Variants in ZNF658 observed in about 807,000 individuals in gnomAD.
ZNF658 encodes the protein zinc finger protein 658.
In ZNF658, 46 loss-of-function variants were observed where a neutral mutation model predicts 78.0. The observed-to-expected ratio is 0.59, with a 90% CI of 0.47 to 0.75. The LOEUF is 0.75. Among genes scored for constraint, ZNF658 ranks in the 30% least tolerant of loss-of-function variants. The pLI is 0.00. For synonymous variants in ZNF658, 279 were observed against 408.4 expected (o/e 0.68, Z 3.82); for missense variants, 785 against 1,189.3 (o/e 0.66, Z 5.00).
chr9:66,922,411 C>T (rs1413228609), downstream of ZNF658, among the ~76,000 whole-genome samples: 3 of 149,826 alleles, frequency 2.0e-5, no homozygotes, highest in African/African-American at 2.5e-5. Context: ...GCAGAAATCA[C>T]TCATCTTCTG....
At chr9:66,928,772 A>G (rs1999466) in intron 6 of ZNF658, among the ~76,000 whole-genome samples, 16,767 of 147,978 alleles carry the variant, frequency 0.11, 952 homozygotes, top group South Asian at 0.23. Context: ...TTTGAGCAAC[A>G]AAACATGTAA....
chr9:66,905,043 CTT>C (rs1822041670), intron 2 of ZNF658, among the ~76,000 whole-genome samples: 1 of 66,262 alleles, frequency 1.5e-5, no homozygotes, highest in Non-Finnish European at 3.2e-5. Context: ...TTTATCTTTT[CTT>C]TTTTCTTTTC....
intron 2 of ZNF658, among the ~76,000 whole-genome samples, 181 bp from the exon 3 acceptor site, chr9:66,908,057 G>C (rs1822120515): frequency 1.3e-5 from 2 of 150,940 alleles, no homozygotes; most frequent in African/African-American, 4.9e-5. Context: ...TAAATACATA[G>C]AGAAATTATG....
At position 66,918,262 on chromosome 9, in the gene ZNF658, A is replaced by G. The variant is rs1464759086; in HGVS notation, c.696A>G (p.Thr232=). The G allele has an allele frequency of 1.2e-6, 2 of 1,612,124 alleles. No individual in the cohort carries two copies. Among genetic ancestry groups the G allele is most frequent in the Non-Finnish European group, 1.7e-6 (2 of 1,179,202 alleles). Residue 232 remains threonine (T), a synonymous_variant, in exon 5 of 5, where the codon ACA becomes ACG. Coordinates refer to ENST00000621410, the MANE Select transcript of ZNF658 (RefSeq NM_033160.7). ...TATATGATAAGACAATTTGTATTAC[A>G]CCTCAGAGTTTTCTAACAGGAGAAA... ...QGLYDKTICI[T]PQSFLTGEKS... is the part of the protein sequence containing the mutation.
At position 66,917,875 on chromosome 9, in the gene ZNF658, C is replaced by T; in HGVS notation, c.309C>T (p.Phe103=). 1 of 1,601,558 alleles carries T rather than the reference C, an allele frequency of 6.2e-7. No individual in the cohort carries two copies. The highest frequency in any genetic ancestry group is 8.5e-7 in the Non-Finnish European group (1 of 1,177,126). The change falls in exon 5 of 5, where the codon TTC becomes TTT. Residue 103 remains phenylalanine (F), a synonymous_variant. Transcript: ENST00000621410. ...KQEKPLWQEI[F]ISDADKTLSK... ...AAAAACCTCTGTGGCAAGAAATATT[C>T]ATCAGTGATGCTGACAAAACATTGA...
chr9:66,920,344 T>C lies in ZNF658; in HGVS notation c.2778T>C (p.Ser926=). 1 of 1,613,436 alleles carries C rather than the reference T, an allele frequency of 6.2e-7. No homozygotes were observed. Among genetic ancestry groups the C allele is most frequent in the Non-Finnish European group, 8.5e-7 (1 of 1,179,868 alleles). The change falls in exon 5 of 5, where the codon AGT becomes AGC. Residue 926 remains serine (S), a synonymous_variant. Coordinates refer to ENST00000621410, the MANE Select transcript of ZNF658 (RefSeq NM_033160.7). ...GKTFSEKSYV[S]AHQRVHTGEK... ...CCTTCTCTGAGAAGTCATATGTTAG[T>C]GCACATCAGAGAGTTCATACGGGGG... is the stretch of plus-strand genomic sequence containing the variant.
At chr9:66,910,915 G>C (rs1822201708) in intron 4 of ZNF658, among the ~76,000 whole-genome samples, 1 of 151,490 alleles carries the variant, frequency 6.6e-6, no homozygotes, top group Admixed American at 6.6e-5. Context: ...CATTAAAGTA[G>C]GAAAAGCTCT....
chr9:66,920,037 A>T lies in ZNF658; in HGVS notation c.2471A>T (p.Lys824Ile). ...CATCAAAGAATTCACACAGGGGAGA[A>T]ACCCTATGAATGTAACCAATGTGGG... Reference protein sequence around the residue: ...IVHQRIHTGEKPYECNQCGKT... With the variant: ...IVHQRIHTGEIPYECNQCGKT... Residue 824 changes from lysine to isoleucine, a missense_variant, in exon 5 of 5, where the codon AAA becomes ATA. By Grantham distance (102) the Lys-to-Ile change is moderately radical (BLOSUM62 -3). Transcript: ENST00000621410. 6.2e-7 allele frequency: 1 copy of T among 1,613,160 alleles called. No homozygotes were observed.
chr9:66,907,732 C>T (rs1822111179), intron 2 of ZNF658, among the ~76,000 whole-genome samples: 1 of 152,198 alleles, frequency 6.6e-6, no homozygotes, highest in Admixed American at 6.5e-5. Flanking sequence ...GATTATATCC[C>T]TATTCTTACA....
chr9:66,910,827 A>T (rs1191204838), intron 4 of ZNF658, among the ~76,000 whole-genome samples: 5 of 141,912 alleles, frequency 3.5e-5, no homozygotes, highest in Non-Finnish European at 7.6e-5. Flanking sequence ...AAATCAGTAA[A>T]GTTGTTGAGT....
chr9:66,925,715 G>C (rs1212870645), downstream of ZNF658, among the ~76,000 whole-genome samples: 1 of 152,012 alleles, frequency 6.6e-6, no homozygotes, highest in African/African-American at 2.4e-5. Flanking sequence ...AATCAAACAG[G>C]AGAGAATATT....
intron 3 of ZNF658, 132 bp from the exon 4 acceptor site, chr9:66,908,507 A>T: frequency 6.8e-7 from 1 of 1,464,274 alleles, no homozygotes; most frequent in South Asian, 1.4e-5. Flanking sequence ...AAACAAAAGC[A>T]ACATGTCATT....
downstream of ZNF658, among the ~76,000 whole-genome samples, chr9:66,924,064 T>A (rs1349610113): frequency 2.0e-5 from 3 of 147,966 alleles, no homozygotes; most frequent in Non-Finnish European, 1.5e-5. Context: ...GGCAGGAGAA[T>A]CACTTGAACC....
At chr9:66,905,068 C>CTTTTTTTTTTTTTTTTTTTTTTTTTTT (rs1165611922) in intron 2 of ZNF658, among the ~76,000 whole-genome samples, 11 of 31,768 alleles carry the variant, frequency 3.5e-4, no homozygotes, top group East Asian at 1.6e-3. Flanking sequence ...TTTTTCTTTT[C>CTTTTTTTTTTTTTTTTTTTTTTTTTTT]TTTTTTTTTT....
Position 66,919,190 on chromosome 9 carries a change from G to A in ZNF658, c.1624G>A (p.Gly542Ser), listed in dbSNP as rs1368090933. The change falls in exon 5 of 5, where the codon GGT becomes AGT. Residue 542 changes from glycine (G) to serine (S), a missense_variant. Transcript: ENST00000621410. ...CAGAGCACATCAGAGAATTCACACA[G>A]GTGAAAAACCCTATGAATGTGTTGA... ...HLRAHQRIHT[G>S]EKPYECVECE... 1 of 560,512 alleles carries A rather than the reference G, an allele frequency of 1.8e-6. No homozygotes were observed. Among genetic ancestry groups the A allele is most frequent in the Admixed American group, 4.2e-5 (1 of 23,836 alleles). The allele number at this position is 560,512 out of a possible 1,614,324, so 34.7% of individuals were successfully genotyped here.
chr9:66,908,704 G>A lies in ZNF658; in HGVS notation c.208G>A (p.Glu70Lys). 1.2e-5 allele frequency: 20 copies of A among 1,609,154 alleles called. No homozygotes were observed. The highest frequency in any genetic ancestry group is 1.7e-5 in the Non-Finnish European group (20 of 1,177,758). ...LEKGEEPWSLEDEFLNQRYPG... is the reference protein window; with the variant it reads ...LEKGEEPWSLKDEFLNQRYPG... ...GAAAGGAGAAGAGCCATGGTCTTTA[G>A]AAGATGAATTCCTGAACCAGAGGTA... Residue 70 changes from glutamate (E) to lysine (K), a missense_variant, in exon 4 of 5, where the codon GAA (glutamate) becomes AAA (lysine). Around this residue, in one of 12 missense-constraint regions of ZNF658, gnomAD observed 79 missense variants for 96.5 expected, o/e 0.82. Transcript: ENST00000621410.
chr9:66,909,933 G>A (rs554335780), intron 4 of ZNF658, among the ~76,000 whole-genome samples: 48 of 152,282 alleles, frequency 3.2e-4, no homozygotes, highest in African/African-American at 4.6e-4. Context: ...CTGGTGAAGC[G>A]TCTCTTCCTG....
chr9:66,905,805 C>A (rs541562215), intron 2 of ZNF658, among the ~76,000 whole-genome samples: 10 of 146,730 alleles, frequency 6.8e-5, no homozygotes, highest in Admixed American at 2.1e-4. Flanking sequence ...CCTTACATAT[C>A]ATTTCCTCTA....
At chr9:66,905,507 C>CT (rs1242769518) in intron 2 of ZNF658, among the ~76,000 whole-genome samples, 1 of 151,840 alleles carries the variant, frequency 6.6e-6, no homozygotes, top group Admixed American at 6.6e-5. Flanking sequence ...CCCTTTCTGT[C>CT]TCTATTCTGT....
Sources: allele counts gnomAD v4.1 joint callset (sites outside exome capture counted in the v4.1 genomes callset), GRCh38; gene constraint gnomAD v4.1.1; regional missense constraint gnomAD v4.1.1; transcripts MANE v1.5; gene names NCBI Gene and HGNC (gene_info 2026-07-23, HGNC 2026-07-21).